The following AGPAT3 variants were observed in gnomAD, a reference collection of about 807,000 sequenced individuals.
AGPAT3 encodes 1-acylglycerol-3-phosphate O-acyltransferase 3.
Under a neutral mutation model 47.3 loss-of-function variants are expected in AGPAT3, and 5 were observed. That is an observed-to-expected ratio of 0.11 (90% CI 0.06 to 0.22). The LOEUF is 0.22. Among genes scored for constraint, AGPAT3 ranks in the 10% least tolerant of loss-of-function variants. AGPAT3 has a pLI of 1.00. For synonymous variants in AGPAT3, 212 were observed against 208.3 expected (o/e 1.02, Z -0.15); for missense variants, 315 against 493.0 (o/e 0.64, Z 3.42).
chr21:43,897,025 T>G (rs1429031789), intron 1 of AGPAT3, among the ~76,000 whole-genome samples: 1 of 143,376 alleles, frequency 7.0e-6, no homozygotes, highest in Admixed American at 7.3e-5. Flanking sequence ...GGCAGGGTCA[T>G]AGGATAATAG....
intron 2 of AGPAT3, among the ~76,000 whole-genome samples, chr21:43,957,578 C>T (rs2088538771): frequency 6.7e-6 from 1 of 149,104 alleles, no homozygotes; most frequent in African/African-American, 2.5e-5. Context: ...TCGGGTTTCC[C>T]CCTCCACACG....
intron 7 of AGPAT3, among the ~76,000 whole-genome samples, chr21:43,972,018 G>T (rs1019252356): frequency 2.6e-5 from 4 of 152,244 alleles, no homozygotes; most frequent in Non-Finnish European, 5.9e-5. Context: ...CACCTGCGGA[G>T]CCCCTGGCCT....
In AGPAT3 at chr21:43,971,279, C is replaced by T. The variant is rs146030249; in HGVS notation, c.665-109C>T. 2,048 of 883,688 alleles carry T rather than the reference C, an allele frequency of 2.3e-3. 19 individuals carry two copies. The African/African-American group carries it at 0.027, about 12-fold the overall frequency. The allele number at this position is 883,688 out of a possible 1,614,324, so 54.7% of individuals were successfully genotyped here. ...CCAGGACGGGGCCAGACCCCTCACG[C>T]GTTCTCCCCAGGACGGGGCCGGGTC... On this transcript the variant is annotated intron_variant, in intron 6 of 9. Transcript: ENST00000291572.
chr21:43,971,211 A>AG (rs1254169778), intron 6 of AGPAT3, among the ~76,000 whole-genome samples, 177 bp from the exon 7 acceptor site: 2 of 152,200 alleles, frequency 1.3e-5, no homozygotes, highest in African/African-American at 4.8e-5. Context: ...GGGAAAAAAG[A>AG]GGGGGAAAGA....
intron 7 of AGPAT3, among the ~76,000 whole-genome samples, chr21:43,974,034 G>A (rs562796694): frequency 6.8e-4 from 103 of 152,152 alleles, no homozygotes; most frequent in Non-Finnish European, 1.2e-3. Flanking sequence ...ACAGACATAC[G>A]ATAAAACCTG....
At chr21:43,887,072 C>CT (rs2085995428) in intron 1 of AGPAT3, among the ~76,000 whole-genome samples, 1 of 152,222 alleles carries the variant, frequency 6.6e-6, no homozygotes, top group South Asian at 2.1e-4. Context: ...CAGTGGTTTG[C>CT]TGGAGATTTC....
Position 43,970,569 on chromosome 21 carries a change from G to T in AGPAT3, c.511-84G>T. ...CACAAATTCAGCCACAACCTTTGCTGCCTGTCAGAGAGGCAGGCCTGGCCT... is the reference window on the plus strand; with the variant it reads ...CACAAATTCAGCCACAACCTTTGCTTCCTGTCAGAGAGGCAGGCCTGGCCT... On this transcript the variant is annotated intron_variant, in intron 5 of 9. Transcript: ENST00000291572. This position sits in a 1 kb window ranked among gnomAD's most constrained non-coding sequence, Gnocchi z 5.8. The T allele has an allele frequency of 6.8e-7, 1 of 1,463,238 alleles. No homozygotes were observed. The highest frequency in any genetic ancestry group is 9.3e-7 in the Non-Finnish European group (1 of 1,069,578). The allele number at this position is 1,463,238 out of a possible 1,614,324, so 90.6% of individuals were successfully genotyped here. A position where few individuals can be genotyped will look rare whatever the true frequency, so the allele number is the denominator to read the frequency against.
chr21:43,872,666 T>A (rs1174184023), intron 1 of AGPAT3, among the ~76,000 whole-genome samples: 1 of 152,200 alleles, frequency 6.6e-6, no homozygotes, highest in Non-Finnish European at 1.5e-5. Flanking sequence ...CTCTGTTTCT[T>A]CCTTATATCT....
rs1476446279 is a variant in AGPAT3 at position 43,982,008 on chromosome 21, C to T, written c.1043-296C>T. ...GCCGAGCTGTTAGAATGCCCCGAAG[C>T]CCTTCTGCTCCCACCAGCCAAAGAC... On this transcript the variant is annotated intron_variant, in intron 9 of 9. Transcript: ENST00000291572. The surrounding 1 kb of genome is among the most constrained non-coding windows in gnomAD (Gnocchi z 6.2). 1.3e-5 allele frequency among the ~76,000 whole-genome samples: 2 copies of T among 152,244 alleles called. No homozygotes were observed. Among genetic ancestry groups the T allele is most frequent in the East Asian group, 3.8e-4 (2 of 5,200 alleles).
At chr21:43,980,237 C>T (rs575453275) in intron 8 of AGPAT3, among the ~76,000 whole-genome samples, 45 of 147,864 alleles carry the variant, frequency 3.0e-4, no homozygotes, top group African/African-American at 1.1e-3. Flanking sequence ...GATCGTACCA[C>T]TGCACTCCAG....
intron 7 of AGPAT3, among the ~76,000 whole-genome samples, chr21:43,975,754 T>C (rs1295518212): frequency 6.6e-6 from 1 of 152,204 alleles, no homozygotes; most frequent in African/African-American, 2.4e-5. Flanking sequence ...TCGTTTTTGT[T>C]TTTGGCTTAC....
rs1305492236 is a variant in AGPAT3, at chr21:43,955,575, T to C, written c.-48-4059T>C. Among the ~76,000 whole-genome samples, 2 of 151,916 alleles carry C rather than the reference T, an allele frequency of 1.3e-5. No individual in the cohort carries two copies. Among genetic ancestry groups the C allele is most frequent in the African/African-American group, 2.4e-5 (1 of 41,394 alleles). Reference sequence around the variant, plus strand: ...TCCCAAAGTGCTCAGATTACAGGTGTGAGCCACCGCGCCCGGCTGAGAATC... The same window carrying C: ...TCCCAAAGTGCTCAGATTACAGGTGCGAGCCACCGCGCCCGGCTGAGAATC... On this transcript the variant is annotated intron_variant, in intron 2 of 9. Coordinates refer to ENST00000291572, the MANE Select transcript of AGPAT3 (RefSeq NM_020132.5). The surrounding 1 kb of genome is among the most constrained non-coding windows in gnomAD (Gnocchi z 4.1).
At chr21:43,911,526 C>T (rs879427075) in intron 2 of AGPAT3, among the ~76,000 whole-genome samples, 16 of 152,238 alleles carry the variant, frequency 1.1e-4, no homozygotes, top group South Asian at 2.1e-4. Flanking sequence ...GCCCAGATGC[C>T]GCCTCGCTGG....
At chr21:43,885,990 C>T (rs2085967661) in intron 1 of AGPAT3, among the ~76,000 whole-genome samples, 1 of 152,198 alleles carries the variant, frequency 6.6e-6, no homozygotes, top group Admixed American at 6.5e-5. Context: ...GCTCCAAATA[C>T]AGGCAGGGGT....
rs371038168 is a variant in AGPAT3, at chr21:43,920,218, T to TGA, written c.-49+16200_-49+16201insAG. ...TCATGTCTTCAGCCCTGTGTGTGTG[T>TGA]GTGTGAGAGATTGTGAGTGAGTGTG... On this transcript the variant is annotated intron_variant, in intron 2 of 9. Coordinates refer to ENST00000291572, the MANE Select transcript of AGPAT3 (RefSeq NM_020132.5). This position sits in a 1 kb window ranked among gnomAD's most constrained non-coding sequence, Gnocchi z 6.1. Among the ~76,000 whole-genome samples the TGA allele has an allele frequency of 3.5e-4, 53 of 151,178 alleles. No homozygotes were observed. Among genetic ancestry groups the TGA allele is most frequent in the Non-Finnish European group, 5.6e-4 (38 of 67,798 alleles).
rs1386744669 is a variant in AGPAT3 at position 43,922,858 on chromosome 21, G to A, written c.-49+18839G>A. 6.6e-6 allele frequency among the ~76,000 whole-genome samples: 1 copy of A among 152,222 alleles called. No individual in the cohort carries two copies. Among genetic ancestry groups the A allele is most frequent in the Non-Finnish European group, 1.5e-5 (1 of 68,028 alleles). On this transcript the variant is annotated intron_variant, in intron 2 of 9. Coordinates refer to ENST00000291572, the MANE Select transcript of AGPAT3 (RefSeq NM_020132.5). The surrounding 1 kb of genome is among the most constrained non-coding windows in gnomAD (Gnocchi z 4.9). ...TGGCTGCATTTTTTCGCTGTGTGATGTGACTGGCTGCCCAGTGGTGGTGGC... is the reference window on the plus strand; with the variant it reads ...TGGCTGCATTTTTTCGCTGTGTGATATGACTGGCTGCCCAGTGGTGGTGGC...
intron 1 of AGPAT3, among the ~76,000 whole-genome samples, chr21:43,866,026 A>G (rs1335050145): frequency 4.0e-5 from 6 of 150,414 alleles, no homozygotes; most frequent in Non-Finnish European, 5.9e-5. Context: ...GCGAAAACCC[A>G]CTCCTGGCCA....
At chr21:43,945,968 C>T (rs1279795203) in intron 2 of AGPAT3, among the ~76,000 whole-genome samples, 2 of 151,996 alleles carry the variant, frequency 1.3e-5, no homozygotes, top group African/African-American at 4.8e-5. Context: ...GGGTGGTGGG[C>T]CCTCCACCTT....
intron 2 of AGPAT3, among the ~76,000 whole-genome samples, chr21:43,906,956 G>A (rs758506170): frequency 1.1e-4 from 16 of 152,168 alleles, no homozygotes; most frequent in Non-Finnish European, 2.1e-4. Flanking sequence ...AACAGGAAGG[G>A]TAGCTGCCCT....
Sources: gnomAD v4.1 joint callset for allele counts (sites outside exome capture counted in the v4.1 genomes callset) on GRCh38, gnomAD v4.1.1 for gene constraint, Gnocchi (gnomAD v3.1) non-coding constraint, MANE v1.5 for transcripts, NCBI Gene and HGNC (gene_info 2026-07-23, HGNC 2026-07-21) for gene names.